CFAP20DC: variants seen among roughly 807,000 people sequenced by gnomAD.
CFAP20DC encodes protein CFAP20DC.
A neutral mutation model predicts 101.7 loss-of-function variants in CFAP20DC; 84 were observed. The ratio of observed to expected loss-of-function variants is 0.83; its 90% CI spans 0.69 to 0.99. The LOEUF (loss-of-function observed/expected upper bound fraction) is 0.99. Ranked by LOEUF, CFAP20DC falls within the 50% of genes least tolerant of loss-of-function variation. CFAP20DC has a pLI of 0.00. For synonymous variants in CFAP20DC, 359 were observed against 351.2 expected (o/e 1.02, Z -0.25); for missense variants, 1,007 against 970.3 (o/e 1.04, Z -0.50).
At chr3:58,761,872 T>C (rs1419158132) in intron 15 of CFAP20DC, among the ~76,000 whole-genome samples, 6 of 152,190 alleles carry the variant, frequency 3.9e-5, no homozygotes, top group Non-Finnish European at 4.4e-5. Flanking sequence ...AATCCTGAGT[T>C]CTAGTTTGAT....
intron 4 of CFAP20DC, among the ~76,000 whole-genome samples, chr3:58,990,352 T>C (rs1338315235): frequency 6.6e-6 from 1 of 152,232 alleles, no homozygotes; most frequent in African/African-American, 2.4e-5. Context: ...GAGTTGTAGT[T>C]GGTTTTGTAT....
chr3:58,960,975 C>T (rs1438047639), intron 4 of CFAP20DC, among the ~76,000 whole-genome samples: 1 of 152,092 alleles, frequency 6.6e-6, no homozygotes, highest in African/African-American at 2.4e-5. Flanking sequence ...TTGTTATATG[C>T]TTTATCTGTC....
intron 4 of CFAP20DC, among the ~76,000 whole-genome samples, chr3:58,949,491 T>A (rs1419375621): frequency 1.3e-5 from 2 of 152,146 alleles, no homozygotes; most frequent in East Asian, 3.9e-4. Flanking sequence ...GTGTCTTTGT[T>A]CTCGTTGGTT....
chr3:58,742,920 A>T lies in CFAP20DC; in HGVS notation c.2333-348T>A, dbSNP rs568256438. On this transcript the variant is annotated intron_variant, in intron 16 of 16. Transcript: ENST00000482387. Reference sequence around the variant, plus strand: ...TTGCCAGGATCCAAAACTAATTGTCACAGTTCTAAACTTCTTCATGGGCCA... The same window carrying T: ...TTGCCAGGATCCAAAACTAATTGTCTCAGTTCTAAACTTCTTCATGGGCCA... 1.4e-4 allele frequency among the ~76,000 whole-genome samples: 21 copies of T among 152,338 alleles called. No homozygotes were observed. In the East Asian group the frequency reaches 3.3e-3, roughly 24 times the overall value.
intron 12 of CFAP20DC, among the ~76,000 whole-genome samples, chr3:58,856,856 T>A (rs1468009554): frequency 2.0e-5 from 3 of 152,218 alleles, no homozygotes; most frequent in Admixed American, 1.3e-4. Context: ...TCTAATTTTT[T>A]AAAATATTGC....
At chr3:58,976,828 G>A (rs189486261) in intron 4 of CFAP20DC, among the ~76,000 whole-genome samples, 2 of 152,224 alleles carry the variant, frequency 1.3e-5, no homozygotes, top group Admixed American at 1.3e-4. Flanking sequence ...TAGGGTGTGT[G>A]TGAGTGCGTT....
intron 6 of CFAP20DC, among the ~76,000 whole-genome samples, chr3:58,906,978 C>G (rs953615969): frequency 6.6e-6 from 1 of 152,078 alleles, no homozygotes; most frequent in African/African-American, 2.4e-5. Flanking sequence ...CTTCTTAGGT[C>G]AGTATCTCCT....
chr3:58,891,602 C>T (rs1199343939), intron 6 of CFAP20DC, among the ~76,000 whole-genome samples: 1 of 152,058 alleles, frequency 6.6e-6, no homozygotes, highest in African/African-American at 2.4e-5. Flanking sequence ...GCATGTACGG[C>T]TTCTTTTGAG....
Position 59,049,610 on chromosome 3 carries a change from C to T in CFAP20DC, c.21+1G>A. 1 of 1,536,110 alleles carries T rather than the reference C, an allele frequency of 6.5e-7. No individual in the cohort carries two copies. On this transcript the variant is annotated splice_donor_variant, in intron 1 of 16. Transcript: ENST00000482387. LOFTEE classifies it high-confidence loss of function. ...CAGGTTGGAGAACCGTTTCGGGTTA[C>T]CTGGTACTCATTTTTGAACATTCCC...
At chr3:58,988,993 A>C (rs1576612228) in intron 4 of CFAP20DC, among the ~76,000 whole-genome samples, 1 of 152,188 alleles carries the variant, frequency 6.6e-6, no homozygotes, top group South Asian at 2.1e-4. Context: ...TCCAGGTTAG[A>C]TAACACAAGA....
At chr3:58,957,173 C>T (rs1482297865) in intron 4 of CFAP20DC, among the ~76,000 whole-genome samples, 1 of 152,094 alleles carries the variant, frequency 6.6e-6, no homozygotes, top group Non-Finnish European at 1.5e-5. Flanking sequence ...ATCTAATTAT[C>T]TGATTTAAAA....
At chr3:58,968,894 A>G (rs2091769060) in intron 4 of CFAP20DC, among the ~76,000 whole-genome samples, 1 of 152,184 alleles carries the variant, frequency 6.6e-6, no homozygotes, top group Non-Finnish European at 1.5e-5. Context: ...ATATGGTGTA[A>G]GGAAGGGGTT....
At chr3:58,775,407 G>C (rs2071232672) in intron 15 of CFAP20DC, among the ~76,000 whole-genome samples, 1 of 152,084 alleles carries the variant, frequency 6.6e-6, no homozygotes, top group Non-Finnish European at 1.5e-5. Flanking sequence ...GATTTTGGGG[G>C]CTCAAGATAA....
rs1336529816 is a variant in CFAP20DC, at chr3:58,897,011, G to A, written c.551-12302C>T. Among the ~76,000 whole-genome samples the A allele has an allele frequency of 2.6e-5, 4 of 152,220 alleles. No individual in the cohort carries two copies. In the East Asian group the frequency reaches 5.8e-4, roughly 22 times the overall value. The stretch of plus-strand genomic sequence containing the variant: ...TTAAAGTCTCCCATTATTATTGTAT[G>A]GGAGTCTAAGTCTCTTTGAAAGTCT... On this transcript the variant is annotated intron_variant, in intron 6 of 16. Transcript: ENST00000482387. The surrounding 1 kb of genome is among the most constrained non-coding windows in gnomAD (Gnocchi z 4.4).
Position 58,869,923 on chromosome 3 carries a change from C to T in CFAP20DC, c.852+250G>A, listed in dbSNP as rs1221442904. 3.3e-5 allele frequency among the ~76,000 whole-genome samples: 5 copies of T among 152,192 alleles called. No individual in the cohort carries two copies. Among genetic ancestry groups the T allele is most frequent in the Non-Finnish European group, 7.3e-5 (5 of 68,032 alleles). ...TATATTTGCCTTTAAATTTTGTGAA[C>T]ATATTTAATGAAAAGAATACTCGAA... On this transcript the variant is annotated intron_variant, in intron 8 of 16. Transcript: ENST00000482387. This position sits in a 1 kb window ranked among gnomAD's most constrained non-coding sequence, Gnocchi z 4.3.
chr3:58,928,745 A>G (rs933211135), intron 5 of CFAP20DC, among the ~76,000 whole-genome samples: 9 of 152,136 alleles, frequency 5.9e-5, no homozygotes, highest in Non-Finnish European at 1.2e-4. Flanking sequence ...GACTGCTTCA[A>G]ATTTTTTCTA....
Position 59,027,807 on chromosome 3 carries a change from A to C in CFAP20DC, c.278+11750T>G, listed in dbSNP as rs544151559. ...CCCCCAGGCTCTGAAACACCTAGCA[A>C]ACCACACAGGGAAGCCACGGGCCTC... On this transcript the variant is annotated intron_variant, in intron 4 of 16. Transcript: ENST00000482387. 7.9e-5 allele frequency among the ~76,000 whole-genome samples: 12 copies of C among 152,304 alleles called. 1 individual carries two copies. In the South Asian group the frequency reaches 2.5e-3, roughly 32 times the overall value.
chr3:58,902,515 T>C (rs539712816), intron 6 of CFAP20DC, among the ~76,000 whole-genome samples: 2 of 152,346 alleles, frequency 1.3e-5, no homozygotes, highest in South Asian at 2.1e-4. Context: ...TGCATTTCCC[T>C]AATGGCTAAT....
At chr3:58,843,490 C>T (rs1363808967) in intron 13 of CFAP20DC, among the ~76,000 whole-genome samples, 1 of 151,434 alleles carries the variant, frequency 6.6e-6, no homozygotes, top group Admixed American at 6.6e-5. Context: ...ATGAGCAAAG[C>T]CTCCAAGAAA....
Sources: gnomAD v4.1 joint callset for allele counts (sites outside exome capture counted in the v4.1 genomes callset) on GRCh38, gnomAD v4.1.1 for gene constraint, Gnocchi (gnomAD v3.1) non-coding constraint, MANE v1.5 for transcripts, NCBI Gene and HGNC (gene_info 2026-07-23, HGNC 2026-07-21) for gene names.